Variants in WDFY4 observed in about 807,000 individuals in gnomAD.
The protein encoded by WDFY4 is WD repeat- and FYVE domain-containing protein 4.
In WDFY4, 169 loss-of-function variants were observed where a neutral mutation model predicts 351.9. The ratio of observed to expected loss-of-function variants is 0.48; its 90% CI spans 0.42 to 0.55. The LOEUF (loss-of-function observed/expected upper bound fraction) is 0.55. WDFY4 is among the 20% of genes least tolerant of loss of function. WDFY4 has a pLI of 0.00. For missense variants in WDFY4, 3,803 were observed against 3,935.6 expected (o/e 0.97, Z 0.90); for synonymous variants, 1,622 against 1,574.6 (o/e 1.03, Z -0.71).
intron 17 of WDFY4, among the ~76,000 whole-genome samples, 191 bp downstream of exon 17, chr10:48,777,686 G>C (rs2066079653): frequency 1.3e-5 from 2 of 152,146 alleles, no homozygotes; most frequent in African/African-American, 4.8e-5. Flanking sequence ...GGAGTTCCAG[G>C]CTGCAGTGAA....
chr10:48,775,567 C>T (rs1420666702), intron 14 of WDFY4, 145 bp from the exon 15 acceptor site: 4 of 732,622 alleles, frequency 5.5e-6, no homozygotes, highest in Non-Finnish European at 6.9e-6. Flanking sequence ...GACACCCTGT[C>T]TCCACATTGC....
At chr10:48,876,908 C>A in intron 42 of WDFY4, 125 bp from the exon 43 acceptor site, 1 of 953,100 alleles carries the variant, frequency 1.0e-6, no homozygotes. Context: ...AGTGAGAGAT[C>A]CACGCTCTTC....
intron 10 of WDFY4, among the ~76,000 whole-genome samples, chr10:48,734,942 ATTTT>A (rs3079302): frequency 2.4e-5 from 3 of 123,298 alleles, no homozygotes; most frequent in East Asian, 4.7e-4. Flanking sequence ...TGCACGGCTA[ATTTT>A]TTTTTTTTTT....
intron 51 of WDFY4, among the ~76,000 whole-genome samples, chr10:48,951,601 AAAAC>A (rs200732420): frequency 0.02 from 3,002 of 152,312 alleles, 47 homozygotes; most frequent in East Asian, 0.087. Flanking sequence ...CAAGCAAACA[AAAAC>A]AAACAAACAA....
At chr10:48,706,771 A>G (rs1319509740) in intron 1 of WDFY4, among the ~76,000 whole-genome samples, 3 of 152,386 alleles carry the variant, frequency 2.0e-5, no homozygotes, top group African/African-American at 7.2e-5. Context: ...TATATAAAAA[A>G]GACTTAGACA....
At chr10:48,816,036 G>A (rs1172937766) in intron 31 of WDFY4, among the ~76,000 whole-genome samples, 1 of 152,012 alleles carries the variant, frequency 6.6e-6, no homozygotes, top group African/African-American at 2.4e-5. Flanking sequence ...GAAATTGCCT[G>A]GACCTAAATT....
intron 20 of WDFY4, among the ~76,000 whole-genome samples, chr10:48,787,891 CTCCTT>C (rs2066493939): frequency 1.0e-4 from 7 of 66,796 alleles, no homozygotes; most frequent in African/African-American, 6.0e-4. Context: ...TCTTCTTCTT[CTCCTT>C]CTTCTTCTTC....
In WDFY4 at chr10:48,786,867, C is replaced by G; in HGVS notation, c.3805C>G (p.Gln1269Glu). The change falls in exon 20 of 62, where the codon CAA (glutamine) becomes GAA (glutamate). Residue 1269 changes from glutamine to glutamate, a missense_variant. Around this residue, in one of 3 missense-constraint regions of WDFY4, gnomAD observed 3,054 missense variants for 3,148.6 expected, o/e 0.97. Transcript: ENST00000325239. ...YCGNFQAVHV[Q>E]GEDLDSEATP... ...TGGTAACTTCCAAGCTGTGCATGTC[C>G]AAGGTATGGAGTGTTTTGATTTACA... The G allele has an allele frequency of 1.9e-6, 3 of 1,551,296 alleles. No homozygotes were observed. Among genetic ancestry groups the G allele is most frequent in the Non-Finnish European group, 8.7e-7 (1 of 1,146,524 alleles).
chr10:48,946,099 G>A lies in WDFY4; in HGVS notation c.7809G>A (p.Gln2603=), dbSNP rs1314065933. 1 of 1,549,118 alleles carries A rather than the reference G, an allele frequency of 6.5e-7. No homozygotes were observed. The highest frequency in any genetic ancestry group is 1.4e-5 in the African/African-American group (1 of 72,840). The change falls in exon 50 of 62, where the codon CAG becomes CAA. Residue 2603 remains glutamine, a synonymous_variant. Coordinates refer to ENST00000325239, the MANE Select transcript of WDFY4 (RefSeq NM_001394531.1). ...ATCTTTCAAAGCCCATGGGGGCTCA[G>A]ACCAAGGAAAGGAAGCTGAAATTTA... ...FRDLSKPMGA[Q]TKERKLKFIQ...
At chr10:48,767,149 G>C (rs1003053200) in intron 13 of WDFY4, among the ~76,000 whole-genome samples, 2 of 152,174 alleles carry the variant, frequency 1.3e-5, no homozygotes, top group African/African-American at 4.8e-5. Flanking sequence ...ATGGCAGAGC[G>C]GCCACCCATT....
At chr10:48,910,807 G>T in intron 47 of WDFY4, 1 of 568,524 alleles carries the variant, frequency 1.8e-6, no homozygotes, top group Non-Finnish European at 2.2e-6. Context: ...AAGTAAGGGT[G>T]TTGAGGACCA....
At chr10:48,946,415 A>G (rs916452821) in intron 50 of WDFY4, among the ~76,000 whole-genome samples, 4 of 152,276 alleles carry the variant, frequency 2.6e-5, no homozygotes, top group Admixed American at 6.5e-5. Flanking sequence ...TGGCTGGAGA[A>G]ATATAATGCT....
intron 22 of WDFY4, 53 bp downstream of exon 22, chr10:48,790,038 T>C (rs556454677): frequency 1.3e-6 from 2 of 1,521,618 alleles, no homozygotes; most frequent in Non-Finnish European, 1.8e-6. Flanking sequence ...GTTTGTGCTG[T>C]CATGGCTTGT....
At chr10:48,900,420 C>T in intron 46 of WDFY4, 114 bp downstream of exon 46, 1 of 983,296 alleles carries the variant, frequency 1.0e-6, no homozygotes, top group East Asian at 2.7e-5. Context: ...CAGTGAACGC[C>T]ACTCAGGCTG....
chr10:48,806,020 G>A lies in WDFY4; in HGVS notation c.4663G>A (p.Val1555Met). 1 of 1,551,694 alleles carries A rather than the reference G, an allele frequency of 6.4e-7. No homozygotes were observed. The highest frequency in any genetic ancestry group is 8.7e-7 in the Non-Finnish European group (1 of 1,146,990). The change falls in exon 27 of 62, where the codon GTG becomes ATG. Residue 1555 changes from valine (V) to methionine (M), a missense_variant. Coordinates refer to ENST00000325239, the MANE Select transcript of WDFY4 (RefSeq NM_001394531.1). The part of the protein sequence containing the change: ...QDLLRIGLFV[V>M]YTLKPSSVNE... ...TGTATAAAGGATTGGGCTGTTTGTTGTGTACACCCTCAAGCCTTCGTCGGT... is the reference window on the plus strand; with the variant it reads ...TGTATAAAGGATTGGGCTGTTTGTTATGTACACCCTCAAGCCTTCGTCGGT...
At chr10:48,896,618 C>T (rs550702524) in intron 44 of WDFY4, among the ~76,000 whole-genome samples, 5 of 152,018 alleles carry the variant, frequency 3.3e-5, no homozygotes, top group Non-Finnish European at 7.4e-5. Context: ...AGGTGCTGTC[C>T]TCATGCCTTG....
intron 31 of WDFY4, among the ~76,000 whole-genome samples, chr10:48,816,905 G>A (rs536361414): frequency 6.6e-6 from 1 of 152,282 alleles, no homozygotes; most frequent in East Asian, 1.9e-4. Flanking sequence ...CAAGATCTGT[G>A]TCAGGAAAGC....
intron 47 of WDFY4, among the ~76,000 whole-genome samples, chr10:48,912,064 G>A (rs547836028): frequency 6.6e-6 from 1 of 152,286 alleles, no homozygotes; most frequent in South Asian, 2.1e-4. Flanking sequence ...GGGGAAAAAA[G>A]CCTCCCTCAA....
intron 60 of WDFY4, among the ~76,000 whole-genome samples, chr10:48,980,654 C>A (rs1842769800): frequency 6.6e-6 from 1 of 152,170 alleles, no homozygotes; most frequent in East Asian, 1.9e-4. Flanking sequence ...GAGGTGGTTT[C>A]TCCCACCTGG....
Sources: allele counts gnomAD v4.1 joint callset (sites outside exome capture counted in the v4.1 genomes callset), GRCh38; gene constraint gnomAD v4.1.1; regional missense constraint gnomAD v4.1.1; transcripts MANE v1.5; gene names NCBI Gene and HGNC (gene_info 2026-07-23, HGNC 2026-07-21).